CAMTA1: variants seen among roughly 807,000 people sequenced by gnomAD.
CAMTA1 encodes calmodulin-binding transcription activator 1.
CAMTA1 carries 27 observed loss-of-function variants against 170.9 expected under a neutral mutation model. The ratio of observed to expected loss-of-function variants is 0.16; its 90% confidence interval spans 0.12 to 0.22. CAMTA1 has a LOEUF of 0.22. Among genes scored for constraint, CAMTA1 ranks in the 10% least tolerant of loss-of-function variants. The pLI is 1.00. For synonymous variants in CAMTA1, 833 were observed against 891.5 expected, an observed-to-expected ratio of 0.93 and a Z score of 1.17; for missense variants, 1,619 against 2,217.2, an observed-to-expected ratio of 0.73 and a Z score of 5.42.
intron 4 of CAMTA1, among the ~76,000 whole-genome samples, chr1:7,141,557 G>T (rs1356371803): frequency 6.6e-6 from 1 of 152,144 alleles, no homozygotes; most frequent in African/African-American, 2.4e-5. Flanking sequence ...GGCACACTAG[G>T]TGCAGGGATT....
chr1:7,719,727 A>G (rs1445487485), intron 11 of CAMTA1, among the ~76,000 whole-genome samples: 1 of 152,178 alleles, frequency 6.6e-6, no homozygotes, highest in Admixed American at 6.5e-5. Flanking sequence ...GAGCAGCTTA[A>G]TATACTCTCG....
intron 5 of CAMTA1, among the ~76,000 whole-genome samples, chr1:7,335,654 C>T (rs752285108): frequency 1.3e-5 from 2 of 151,996 alleles, no homozygotes; most frequent in Non-Finnish European, 2.9e-5. Context: ...GATTTATACT[C>T]AGAGAGGATG....
At chr1:7,662,539 G>T (rs2095969302) in intron 8 of CAMTA1, among the ~76,000 whole-genome samples, 1 of 152,168 alleles carries the variant, frequency 6.6e-6, no homozygotes, top group African/African-American at 2.4e-5. Context: ...CTTATCAGAT[G>T]AAATGAAAAT....
chr1:7,629,995 C>G (rs754658597), intron 6 of CAMTA1, among the ~76,000 whole-genome samples: 5 of 152,252 alleles, frequency 3.3e-5, no homozygotes, highest in Non-Finnish European at 7.3e-5. Flanking sequence ...CCCTCTGACA[C>G]TGGCTCTTTT....
At chr1:7,422,146 G>C (rs2091603665) in intron 5 of CAMTA1, among the ~76,000 whole-genome samples, 1 of 152,160 alleles carries the variant, frequency 6.6e-6, no homozygotes, top group African/African-American at 2.4e-5. Context: ...GGACAGGGCA[G>C]ATTGGGCCCT....
intron 3 of CAMTA1, among the ~76,000 whole-genome samples, chr1:6,978,254 T>C (rs1693801453): frequency 6.6e-6 from 1 of 152,182 alleles, no homozygotes; most frequent in Non-Finnish European, 1.5e-5. Flanking sequence ...AAAAGATAAA[T>C]GCTTGAGGGG....
rs1679117058 is a variant in CAMTA1 at position 7,325,304 on chromosome 1, G to A, written c.438+75678G>A. 6.6e-6 allele frequency among the ~76,000 whole-genome samples: 1 copy of A among 152,206 alleles called. No individual in the cohort carries two copies. Among genetic ancestry groups the A allele is most frequent in the Non-Finnish European group, 1.5e-5 (1 of 68,038 alleles). On this transcript the variant is annotated intron_variant, in intron 5 of 22. Transcript: ENST00000303635. The surrounding 1 kb of genome is among the most constrained non-coding windows in gnomAD (Gnocchi z 5.0). ...GAAAAAGGTAGAACAAGATAGGGAG[G>A]CTGGGAATGCAAATGGCAGTTTTCT...
rs1700182281 is a variant in CAMTA1, at chr1:7,014,003, C to G, written c.235-77301C>G. ...GTGATCTTGGAACATGGAAGCCCAG[C>G]ACATTTGCTTGTCCTAAAAATACAG... On this transcript the variant is annotated intron_variant, in intron 3 of 22. Transcript: ENST00000303635. The surrounding 1 kb of genome is among the most constrained non-coding windows in gnomAD (Gnocchi z 4.2). 6.6e-6 allele frequency among the ~76,000 whole-genome samples: 1 copy of G among 152,250 alleles called. No individual in the cohort carries two copies. The highest frequency in any genetic ancestry group is 1.5e-5 in the Non-Finnish European group (1 of 68,044).
chr1:7,353,252 A>G (rs1433829593), intron 5 of CAMTA1, among the ~76,000 whole-genome samples: 1 of 152,152 alleles, frequency 6.6e-6, no homozygotes, highest in Non-Finnish European at 1.5e-5. Context: ...GGCCCATCTC[A>G]GCCACCAAAT....
intron 3 of CAMTA1, among the ~76,000 whole-genome samples, chr1:6,910,741 T>C (rs1243566488): frequency 5.9e-5 from 9 of 152,152 alleles, no homozygotes; most frequent in Non-Finnish European, 8.8e-5. Flanking sequence ...AGGAAATATT[T>C]CAAAGGCGGA....
chr1:7,002,795 G>A (rs551235947), intron 3 of CAMTA1, among the ~76,000 whole-genome samples: 1 of 152,280 alleles, frequency 6.6e-6, no homozygotes, highest in South Asian at 2.1e-4. Flanking sequence ...GCCGTCTATG[G>A]AAATGCAGGT....
At chr1:7,553,561 G>T (rs564142543) in intron 6 of CAMTA1, among the ~76,000 whole-genome samples, 9 of 152,320 alleles carry the variant, frequency 5.9e-5, no homozygotes, top group Admixed American at 2.0e-4. Flanking sequence ...GACCCTCTTT[G>T]GTGTCCCCCA....
Position 7,768,849 on chromosome 1 carries a change from G to T in CAMTA1, c.*2358G>T, listed in dbSNP as rs1012411547. 2.0e-5 allele frequency: 3 copies of T among 152,362 alleles called. No individual in the cohort carries two copies. The highest frequency in any genetic ancestry group is 7.2e-5 in the African/African-American group (3 of 41,402). The allele number at this position is 152,362 out of a possible 1,614,324, so 9.4% of individuals were successfully genotyped here. ...CACTGAGTAATTTACAAACACAACTGCATTCATAAATGGGAATAGAACGTG... is the reference window on the plus strand; with the variant it reads ...CACTGAGTAATTTACAAACACAACTTCATTCATAAATGGGAATAGAACGTG... On this transcript the variant is annotated 3_prime_UTR_variant, in exon 23 of 23. Coordinates refer to ENST00000303635, the MANE Select transcript of CAMTA1 (RefSeq NM_015215.4).
intron 6 of CAMTA1, among the ~76,000 whole-genome samples, chr1:7,605,601 G>A (rs889015289): frequency 2.0e-5 from 3 of 152,194 alleles, no homozygotes; most frequent in Non-Finnish European, 4.4e-5. Flanking sequence ...CTTTGACTAG[G>A]AAAGGGAATT....
intron 6 of CAMTA1, among the ~76,000 whole-genome samples, chr1:7,581,111 C>T (rs1246022339): frequency 6.6e-6 from 1 of 152,222 alleles, no homozygotes; most frequent in Non-Finnish European, 1.5e-5. Flanking sequence ...CGCCCCTCCT[C>T]CCACATCTGC....
intron 5 of CAMTA1, among the ~76,000 whole-genome samples, chr1:7,266,711 C>T (rs151070164): frequency 2.1e-4 from 32 of 152,226 alleles, no homozygotes; most frequent in Non-Finnish European, 3.1e-4. Flanking sequence ...CCCTTGGTGA[C>T]GGAGGAGGCA....
At chr1:7,246,377 C>T (rs1206232274) in intron 4 of CAMTA1, among the ~76,000 whole-genome samples, 1 of 152,098 alleles carries the variant, frequency 6.6e-6, no homozygotes, top group Non-Finnish European at 1.5e-5. Flanking sequence ...TGGCGTGCCC[C>T]ACTGGTACCG....
chr1:7,239,897 G>A (rs894589169), intron 4 of CAMTA1, among the ~76,000 whole-genome samples: 3 of 151,194 alleles, frequency 2.0e-5, no homozygotes, highest in Non-Finnish European at 4.4e-5. Flanking sequence ...GAGGAGGAGG[G>A]GGCCACCAGA....
At chr1:6,894,786 C>T (rs1282275302) in intron 3 of CAMTA1, among the ~76,000 whole-genome samples, 1 of 152,172 alleles carries the variant, frequency 6.6e-6, no homozygotes, top group Non-Finnish European at 1.5e-5. Flanking sequence ...ATGGGGGTTC[C>T]TTTTAAAAAT....
Sources: allele counts gnomAD v4.1 joint callset (sites outside exome capture counted in the v4.1 genomes callset), GRCh38; gene constraint gnomAD v4.1.1; non-coding constraint Gnocchi (gnomAD v3.1); transcripts MANE v1.5; gene names NCBI Gene and HGNC (gene_info 2026-07-23, HGNC 2026-07-21).